MUSK: variants seen among roughly 807,000 people sequenced by gnomAD.
MUSK encodes muscle associated receptor tyrosine kinase.
In MUSK, 55 loss-of-function variants were observed where a neutral mutation model predicts 88.7. That is an observed-to-expected ratio of 0.62 (90% CI 0.50 to 0.78). MUSK has a LOEUF of 0.78. Among genes scored for constraint, MUSK ranks in the 30% least tolerant of loss-of-function variants. The pLI is 0.00. For synonymous variants in MUSK, 387 were observed against 391.9 expected (o/e 0.99, Z 0.15); for missense variants, 1,015 against 1,074.3 (o/e 0.94, Z 0.77).
chr9:110,787,467 T>C (rs1256050077), intron 13 of MUSK, among the ~76,000 whole-genome samples: 1 of 151,994 alleles, frequency 6.6e-6, no homozygotes, highest in East Asian at 1.9e-4. Context: ...TCAAACTTCA[T>C]TGTTTGAAAT....
chr9:110,754,912 C>T (rs981319687), intron 7 of MUSK, among the ~76,000 whole-genome samples: 2 of 152,118 alleles, frequency 1.3e-5, no homozygotes, highest in African/African-American at 4.8e-5. Context: ...GCCTCTAGCC[C>T]GGTTCACTAA....
intron 1 of MUSK, among the ~76,000 whole-genome samples, chr9:110,679,074 G>T (rs1382998637): frequency 9.9e-5 from 15 of 151,638 alleles, no homozygotes; most frequent in Non-Finnish European, 1.5e-4. Context: ...TTCTGTAATT[G>T]TTTCATTGTT....
chr9:110,744,780 T>C (rs1373342560), intron 6 of MUSK, among the ~76,000 whole-genome samples: 1 of 152,138 alleles, frequency 6.6e-6, no homozygotes, highest in African/African-American at 2.4e-5. Flanking sequence ...CAGGTCCATA[T>C]ACCTGAGTGA....
intron 11 of MUSK, among the ~76,000 whole-genome samples, chr9:110,783,515 TTAACTTTGAATCTGTTA>T (rs1482792350): frequency 6.6e-6 from 1 of 152,120 alleles, no homozygotes; most frequent in East Asian, 1.9e-4. Flanking sequence ...ATTATTTTAA[TTAACTTTGAATCTGTTA>T]TAACTTTTTT....
At chr9:110,751,760 A>G (rs902934727) in intron 7 of MUSK, among the ~76,000 whole-genome samples, 1 of 151,488 alleles carries the variant, frequency 6.6e-6, no homozygotes, top group Non-Finnish European at 1.5e-5. Context: ...TAGAGAAGGC[A>G]GCATAAGGAG....
intron 1 of MUSK, among the ~76,000 whole-genome samples, chr9:110,678,379 A>G (rs1373943910): frequency 6.6e-6 from 1 of 152,086 alleles, no homozygotes; most frequent in Non-Finnish European, 1.5e-5. Context: ...TCTGGGCTCA[A>G]TGGATCATCC....
intron 1 of MUSK, among the ~76,000 whole-genome samples, chr9:110,679,211 T>A (rs955989521): frequency 2.0e-5 from 3 of 152,066 alleles, no homozygotes; most frequent in African/African-American, 7.2e-5. Context: ...GTTAAAACAT[T>A]TCTCCATGTA....
At chr9:110,779,153 G>C (rs1399093013) in intron 11 of MUSK, among the ~76,000 whole-genome samples, 3 of 151,836 alleles carry the variant, frequency 2.0e-5, no homozygotes, top group East Asian at 3.9e-4. Context: ...TAATATTAAA[G>C]TTACAAGTTC....
intron 3 of MUSK, among the ~76,000 whole-genome samples, chr9:110,691,288 T>C (rs909064610): frequency 8.5e-5 from 13 of 152,122 alleles, no homozygotes; most frequent in Non-Finnish European, 1.9e-4. Context: ...GGTACAGCCT[T>C]GTCAGATGAG....
chr9:110,684,687 T>A (rs987010210), intron 2 of MUSK, among the ~76,000 whole-genome samples: 11 of 152,056 alleles, frequency 7.2e-5, no homozygotes, highest in African/African-American at 2.4e-4. Flanking sequence ...ATTATAGAGA[T>A]CTTTCACTTC....
At chr9:110,669,710 A>G (rs1455811348) in intron 1 of MUSK, among the ~76,000 whole-genome samples, 1 of 152,236 alleles carries the variant, frequency 6.6e-6, no homozygotes, top group East Asian at 1.9e-4. Context: ...TGGCCAGTGT[A>G]TTATGAAACT....
intron 8 of MUSK, among the ~76,000 whole-genome samples, chr9:110,764,878 C>T (rs1165573756): frequency 1.3e-5 from 2 of 152,252 alleles, no homozygotes; most frequent in African/African-American, 4.8e-5. Context: ...AAGATCTTCT[C>T]ATTTCTATTC....
chr9:110,711,777 G>C (rs541686212), intron 5 of MUSK, among the ~76,000 whole-genome samples: 1 of 152,104 alleles, frequency 6.6e-6, no homozygotes, highest in Non-Finnish European at 1.5e-5. Context: ...TCACTTTGTC[G>C]TCAAGAATCT....
intron 5 of MUSK, among the ~76,000 whole-genome samples, chr9:110,709,890 A>T (rs1440868627): frequency 6.6e-6 from 1 of 152,226 alleles, no homozygotes; most frequent in African/African-American, 2.4e-5. Context: ...CACGCCTGTA[A>T]TCCCAGCCCT....
intron 9 of MUSK, among the ~76,000 whole-genome samples, chr9:110,768,314 A>C (rs2077516413): frequency 6.6e-6 from 1 of 152,220 alleles, no homozygotes; most frequent in Non-Finnish European, 1.5e-5. Context: ...CCTGTCCAAC[A>C]TGGTGAAACC....
intron 12 of MUSK, 44 bp from the exon 13 acceptor site, chr9:110,785,483 C>A: frequency 6.7e-7 from 1 of 1,483,892 alleles, no homozygotes; most frequent in Non-Finnish European, 9.1e-7. Flanking sequence ...AAAGATCTAA[C>A]CTGCTTCTGA....
chr9:110,685,590 C>T (rs2076185694), intron 2 of MUSK, among the ~76,000 whole-genome samples: 1 of 152,196 alleles, frequency 6.6e-6, no homozygotes. Flanking sequence ...CACCATTCAG[C>T]TAAGTTCTCT....
At chr9:110,732,421 C>T (rs1232861976) in intron 5 of MUSK, among the ~76,000 whole-genome samples, 3 of 152,010 alleles carry the variant, frequency 2.0e-5, no homozygotes, top group Non-Finnish European at 2.9e-5. Context: ...GAGTCTGTAA[C>T]GTGTGAATTT....
chr9:110,681,094 T>TAATATTATA, intron 1 of MUSK, among the ~76,000 whole-genome samples: 1 of 16,010 alleles, frequency 6.2e-5, no homozygotes, highest in East Asian at 5.7e-4. Context: ...ATAATATATA[T>TAATATTATA]TATATAATAT....
Sources: gnomAD v4.1 joint callset for allele counts (sites outside exome capture counted in the v4.1 genomes callset) on GRCh38, gnomAD v4.1.1 for gene constraint, MANE v1.5 for transcripts, NCBI Gene and HGNC (gene_info 2026-07-23, HGNC 2026-07-21) for gene names.